The following ZNF366 variants were observed in gnomAD, a reference collection of about 807,000 sequenced individuals.
ZNF366 encodes dendritic cell-specific transcript protein.
ZNF366 carries 20 observed loss-of-function variants against 47.2 expected under a neutral mutation model. That is an observed-to-expected ratio of 0.42 (90% CI 0.30 to 0.62). The LOEUF (loss-of-function observed/expected upper bound fraction) is 0.62. Ranked by LOEUF, ZNF366 falls within the 20% of genes least tolerant of loss-of-function variation. The pLI is 0.16. For synonymous variants in ZNF366, 421 were observed against 395.1 expected, an observed-to-expected ratio of 1.07 and a Z score of -0.78; for missense variants, 987 against 976.3, an observed-to-expected ratio of 1.01 and a Z score of -0.15.
intron 1 of ZNF366, among the ~76,000 whole-genome samples, chr5:72,466,493 A>ATTCTAGTGTCT (rs1364198651): frequency 2.0e-5 from 3 of 152,212 alleles, no homozygotes; most frequent in Non-Finnish European, 2.9e-5. Flanking sequence ...CTCAGACACT[A>ATTCTAGTGTCT]GAATAGTGCT....
At chr5:72,477,787 A>G (rs1372642751) in intron 1 of ZNF366, among the ~76,000 whole-genome samples, 3 of 152,238 alleles carry the variant, frequency 2.0e-5, no homozygotes, top group South Asian at 4.1e-4. Context: ...TGTTGCAACT[A>G]CTCAATCCTG....
chr5:72,496,926 T>C (rs1744122911), intron 1 of ZNF366, among the ~76,000 whole-genome samples: 1 of 152,208 alleles, frequency 6.6e-6, no homozygotes, highest in Non-Finnish European at 1.5e-5. Context: ...GCCATTTCTA[T>C]ATCTTTTTTA....
chr5:72,459,318 G>A (rs1743254413), intron 2 of ZNF366, among the ~76,000 whole-genome samples: 1 of 152,156 alleles, frequency 6.6e-6, no homozygotes, highest in African/African-American at 2.4e-5. Context: ...GAGGTTAAGG[G>A]TGTGAGAGTG....
In ZNF366 at chr5:72,442,602, T is replaced by G. The variant is rs1742877869; in HGVS notation, c.*1154A>C. ...GAGGTCACCCCCCCAGCTCTAGCTC[T>G]GAGGAGAAAGCCCCCTGGTCACTGG... On this transcript the variant is annotated 3_prime_UTR_variant, in exon 5 of 5. Coordinates refer to ENST00000318442, the MANE Select transcript of ZNF366 (RefSeq NM_152625.3). 1 of 151,954 alleles carries G rather than the reference T, an allele frequency of 6.6e-6. No homozygotes were observed. Among genetic ancestry groups the G allele is most frequent in the Non-Finnish European group, 1.5e-5 (1 of 68,080 alleles). 9.4% of individuals were successfully genotyped at this position (151,954 alleles called of 1,614,324 possible). A position where few individuals can be genotyped will look rare whatever the true frequency, so the allele number is the denominator to read the frequency against.
At chr5:72,492,020 C>T (rs535117985) in intron 1 of ZNF366, among the ~76,000 whole-genome samples, 2 of 152,150 alleles carry the variant, frequency 1.3e-5, no homozygotes, top group South Asian at 2.1e-4. Flanking sequence ...TGCAAAGCAA[C>T]GTGACCTACT....
At position 72,444,029 on chromosome 5, in the gene ZNF366, G is replaced by T; in HGVS notation, c.1962C>A (p.His654Gln). The stretch of plus-strand genomic sequence containing the variant: ...AGGCTTCCTCCAGCACCTCGGGGGC[G>T]TGCTCCGACTTGGTGGACAGATCCT... ...TPEDLSTKSEHAPEVLEEACK... is the reference protein window; with the variant it reads ...TPEDLSTKSEQAPEVLEEACK... The change falls in exon 5 of 5, where the codon CAC becomes CAA. Residue 654 changes from histidine to glutamine, a missense_variant. Physicochemically the swap from His to Gln is conservative, Grantham distance 24. This residue lies in a region of ZNF366 where 285 missense variants were observed against 234.8 expected (regional missense o/e 1.21). Coordinates refer to ENST00000318442, the MANE Select transcript of ZNF366 (RefSeq NM_152625.3). 2 of 1,614,130 alleles carry T rather than the reference G, an allele frequency of 1.2e-6. No homozygotes were observed. The highest frequency in any genetic ancestry group is 1.1e-5 in the South Asian group (1 of 91,078).
intron 2 of ZNF366, among the ~76,000 whole-genome samples, chr5:72,459,557 C>T (rs1048098164): frequency 3.3e-5 from 5 of 152,198 alleles, no homozygotes; most frequent in African/African-American, 9.7e-5. Flanking sequence ...GATGCTTTCT[C>T]ATGCCTCCTA....
chr5:72,461,653 T>A, intron 1 of ZNF366, 143 bp from the exon 2 acceptor site: 1 of 1,180,792 alleles, frequency 8.5e-7, no homozygotes, highest in East Asian at 2.5e-5. Flanking sequence ...CCTAGGGCTG[T>A]TCAAAATATC....
Position 72,460,210 on chromosome 5 carries a change from C to G in ZNF366, c.1287G>C (p.Glu429Asp). The change falls in exon 2 of 5, where the codon GAG becomes GAC. Residue 429 changes from glutamate to aspartate, a missense_variant. Around this residue, in one of 3 missense-constraint regions of ZNF366, gnomAD observed 111 missense variants for 180.5 expected, o/e 0.61. Coordinates refer to ENST00000318442, the MANE Select transcript of ZNF366 (RefSeq NM_152625.3). Reference protein sequence around the residue: ...RPYICSECGMEFVQPHHLKQH... With the variant: ...RPYICSECGMDFVQPHHLKQH... ...GCTTGAGGTGGTGCGGCTGCACAAA[C>G]TCCATGCCACACTCTGAGCAGATGT... 1 of 1,614,262 alleles carries G rather than the reference C, an allele frequency of 6.2e-7. No homozygotes were observed. Among genetic ancestry groups the G allele is most frequent in the Non-Finnish European group, 8.5e-7 (1 of 1,180,048 alleles).
chr5:72,462,559 T>TCTTTCTTTCTTTCTTTC (rs1743345546), intron 1 of ZNF366, among the ~76,000 whole-genome samples: 1 of 36,658 alleles, frequency 2.7e-5, no homozygotes, highest in African/African-American at 1.5e-4. Context: ...TTTTTTTTTT[T>TCTTTCTTTCTTTCTTTC]TTTGGAGATG....
Position 72,456,504 on chromosome 5 carries a change from C to T in ZNF366, c.1424G>A (p.Arg475His), listed in dbSNP as rs1165038560. The change falls in exon 3 of 5, where the codon CGC (arginine) becomes CAC (histidine). Residue 475 changes from arginine to histidine, a missense_variant. Transcript: ENST00000318442. Reference protein sequence around the residue: ...KRHVLIHTNIRAYQCHLCYKS... With the variant: ...KRHVLIHTNIHAYQCHLCYKS... ...GTAGCAGAGGTGACACTGGTAGGCG[C>T]GGATGTTGGTGTGGATCAGCACGTG... 1.2e-6 allele frequency: 2 copies of T among 1,614,012 alleles called. No homozygotes were observed. The highest frequency in any genetic ancestry group is 1.7e-6 in the Non-Finnish European group (2 of 1,179,906).
chr5:72,488,189 C>T (rs559273175), intron 1 of ZNF366, among the ~76,000 whole-genome samples: 6 of 149,606 alleles, frequency 4.0e-5, no homozygotes, highest in East Asian at 2.0e-4. Flanking sequence ...GCCTGGGTAA[C>T]GACAGAGTGA....
intron 1 of ZNF366, among the ~76,000 whole-genome samples, chr5:72,474,966 A>G (rs1743644521): frequency 1.3e-5 from 2 of 152,218 alleles, no homozygotes; most frequent in South Asian, 4.1e-4. Context: ...AAGGAGGGGT[A>G]GCATAAAAGA....
Position 72,461,095 on chromosome 5 carries a change from C to A in ZNF366, c.402G>T (p.Val134=). The part of the protein sequence containing the change: ...YDSQMIDLCN[V]GFQFYRSLEH... ...CCAGGCTGCGGTAGAATTGGAAGCC[C>A]ACGTTGCACAGGTCGATCATCTGAG... The change falls in exon 2 of 5, where the codon GTG becomes GTT. Residue 134 remains valine (V), a synonymous_variant. Transcript: ENST00000318442. 1.2e-6 allele frequency: 2 copies of A among 1,614,116 alleles called. No individual in the cohort carries two copies. The highest frequency in any genetic ancestry group is 1.6e-4 in the Middle Eastern group (1 of 6,062).
At chr5:72,483,660 C>T (rs1743831640) in intron 1 of ZNF366, among the ~76,000 whole-genome samples, 1 of 152,160 alleles carries the variant, frequency 6.6e-6, no homozygotes, top group Admixed American at 6.5e-5. Flanking sequence ...CTCCTTGAAT[C>T]ACAGGGGAGA....
At chr5:72,453,998 C>G (rs567606087) in intron 3 of ZNF366, among the ~76,000 whole-genome samples, 1 of 152,338 alleles carries the variant, frequency 6.6e-6, no homozygotes, top group East Asian at 1.9e-4. Context: ...AAGAAGCAAC[C>G]TTTGCAAATG....
At chr5:72,447,867 C>T (rs1009038458) in intron 3 of ZNF366, among the ~76,000 whole-genome samples, 4 of 151,794 alleles carry the variant, frequency 2.6e-5, no homozygotes, top group Non-Finnish European at 5.9e-5. Flanking sequence ...TTGCTATTAC[C>T]ACCCCCATTT....
intron 1 of ZNF366, among the ~76,000 whole-genome samples, chr5:72,501,077 TGAG>T (rs1653931128): frequency 6.6e-6 from 1 of 152,224 alleles, no homozygotes; most frequent in African/African-American, 2.4e-5. Context: ...AGCTCTAAGA[TGAG>T]GAGAATAAGG....
intron 1 of ZNF366, among the ~76,000 whole-genome samples, chr5:72,480,824 T>G (rs2112343685): frequency 6.6e-6 from 1 of 152,354 alleles, no homozygotes; most frequent in Middle Eastern, 3.4e-3. Flanking sequence ...TTCTAAAACC[T>G]TTGGGTTCTC....
Sources: gnomAD v4.1 joint callset for allele counts (sites outside exome capture counted in the v4.1 genomes callset) on GRCh38, gnomAD v4.1.1 for gene constraint, gnomAD v4.1.1 regional missense constraint, MANE v1.5 for transcripts, NCBI Gene and HGNC (gene_info 2026-07-23, HGNC 2026-07-21) for gene names.